The following SLC25A12 variants were observed in gnomAD, a reference collection of about 807,000 sequenced individuals.
SLC25A12 encodes electrogenic aspartate/glutamate antiporter SLC25A12, mitochondrial.
In SLC25A12, 32 loss-of-function variants were observed where a neutral mutation model predicts 83.3. The observed-to-expected ratio is 0.38, with a 90% CI of 0.29 to 0.52. The LOEUF is 0.52. SLC25A12 is among the 20% of genes least tolerant of loss of function. SLC25A12 has a pLI of 0.84. For missense variants in SLC25A12, 611 were observed against 835.6 expected (o/e 0.73, Z 3.31); for synonymous variants, 267 against 291.1 (o/e 0.92, Z 0.84).
At chr2:171,819,409 T>C (rs573188381) in intron 9 of SLC25A12, among the ~76,000 whole-genome samples, 2 of 39,752 alleles carry the variant, frequency 5.0e-5, no homozygotes, top group Admixed American at 5.3e-4. Context: ...ATTATATAAG[T>C]ATATAATTAT....
chr2:171,872,909 G>C (rs1289271183), intron 2 of SLC25A12, among the ~76,000 whole-genome samples: 1 of 151,940 alleles, frequency 6.6e-6, no homozygotes, highest in Non-Finnish European at 1.5e-5. Flanking sequence ...GAGAGAAATG[G>C]TAATAAAGAG....
intron 4 of SLC25A12, among the ~76,000 whole-genome samples, chr2:171,853,059 GT>G (rs1235328088): frequency 2.0e-5 from 3 of 152,168 alleles, no homozygotes; most frequent in Non-Finnish European, 4.4e-5. Context: ...GTATCACTAT[GT>G]TGTGCAAGCT....
intron 2 of SLC25A12, among the ~76,000 whole-genome samples, chr2:171,878,073 A>C (rs1353085733): frequency 6.6e-6 from 1 of 152,178 alleles, no homozygotes; most frequent in Admixed American, 6.5e-5. Flanking sequence ...CAAATCTTTC[A>C]GGTTATTTTG....
chr2:171,792,581 G>A (rs1388860798), intron 14 of SLC25A12, among the ~76,000 whole-genome samples: 2 of 151,018 alleles, frequency 1.3e-5, no homozygotes, highest in Non-Finnish European at 2.9e-5. Context: ...GTACAAGTGT[G>A]AGCCAGTGCT....
intron 2 of SLC25A12, among the ~76,000 whole-genome samples, chr2:171,892,231 A>AT (rs2105937002): frequency 1.2e-5 from 1 of 85,386 alleles, no homozygotes; most frequent in East Asian, 4.2e-4. Flanking sequence ...CTTTACATCT[A>AT]CTTTTTTTTT....
chr2:171,797,980 G>A (rs960801741), intron 13 of SLC25A12, among the ~76,000 whole-genome samples: 7 of 151,768 alleles, frequency 4.6e-5, no homozygotes, highest in African/African-American at 1.2e-4. Flanking sequence ...TAAATTTCCC[G>A]CCTATTTTTT....
chr2:171,870,508 C>T (rs1685435467), intron 2 of SLC25A12, among the ~76,000 whole-genome samples: 1 of 152,120 alleles, frequency 6.6e-6, no homozygotes, highest in African/African-American at 2.4e-5. Flanking sequence ...ATAGTCCTAA[C>T]TACTCAGGAG....
chr2:171,840,209 C>A (rs925704351), intron 5 of SLC25A12, among the ~76,000 whole-genome samples: 1 of 151,968 alleles, frequency 6.6e-6, no homozygotes, highest in Non-Finnish European at 1.5e-5. Context: ...CATGGCAAAA[C>A]CCCATCTCTA....
Position 171,878,629 on chromosome 2 carries a change from G to GTCAAAACAAAC in SLC25A12, c.67-9817_67-9807dup, listed in dbSNP as rs532018520. ...TAACCAACATGTGGCTGTAATATGA[G>GTCAAAACAAAC]TCAAAACAAACTGTTCCTCCATTAC... On this transcript the variant is annotated intron_variant, in intron 2 of 17. Transcript: ENST00000422440. 3.4e-3 allele frequency among the ~76,000 whole-genome samples: 511 copies of GTCAAAACAAAC among 152,204 alleles called. 7 individuals are homozygous for GTCAAAACAAAC. The highest frequency in any genetic ancestry group is 6.8e-3 in the Middle Eastern group (2 of 294).
At chr2:171,810,560 G>C (rs1377677429) in intron 11 of SLC25A12, among the ~76,000 whole-genome samples, 1 of 152,164 alleles carries the variant, frequency 6.6e-6, no homozygotes, top group Admixed American at 6.5e-5. Context: ...AAGAAGAAAC[G>C]GAGCCATGCG....
intron 2 of SLC25A12, among the ~76,000 whole-genome samples, chr2:171,888,641 C>T (rs1412880982): frequency 6.6e-6 from 1 of 151,802 alleles, no homozygotes; most frequent in Non-Finnish European, 1.5e-5. Context: ...CAGGGTTTCA[C>T]CATGTTGCCC....
chr2:171,889,363 T>C (rs777505512), intron 2 of SLC25A12, among the ~76,000 whole-genome samples: 9 of 152,334 alleles, frequency 5.9e-5, no homozygotes, highest in Middle Eastern at 6.8e-3. Flanking sequence ...CCAAATTCGA[T>C]AGATTCTTCC....
intron 3 of SLC25A12, among the ~76,000 whole-genome samples, chr2:171,867,980 G>T (rs948608469): frequency 6.6e-6 from 1 of 152,078 alleles, no homozygotes; most frequent in Non-Finnish European, 1.5e-5. Flanking sequence ...AAGTAGCTGG[G>T]ACTACAGGCG....
intron 4 of SLC25A12, among the ~76,000 whole-genome samples, chr2:171,853,426 A>ACGCCTGGGTGCAGTGGCTCAC (rs57379924): frequency 6.6e-6 from 1 of 151,876 alleles, no homozygotes; most frequent in Non-Finnish European, 1.5e-5. Context: ...CTGTAATCTC[A>ACGCCTGGGTGCAGTGGCTCAC]GCACTTTGGG....
Position 171,855,861 on chromosome 2 carries a change from T to G in SLC25A12, c.298A>C (p.Lys100Gln). The G allele has an allele frequency of 6.2e-7, 1 of 1,611,966 alleles. No individual in the cohort carries two copies. The highest frequency in any genetic ancestry group is 8.5e-7 in the Non-Finnish European group (1 of 1,178,052). Residue 100 changes from lysine (K) to glutamine (Q), a missense_variant, in exon 4 of 18, where the codon AAG (lysine) becomes CAG (glutamine). This residue lies in a region of SLC25A12 where 540 missense variants were observed against 777.5 expected (regional missense o/e 0.69). Transcript: ENST00000422440. ...MFIVAFQLFD[K>Q]SGNGEVTFEN... ...AATGTCACCTCTCCATTTCCACTCT[T>G]GTCAAACAACTGGAAAGCCACTATG...
chr2:171,803,147 A>G (rs1323972604), intron 13 of SLC25A12, among the ~76,000 whole-genome samples: 1 of 151,984 alleles, frequency 6.6e-6, no homozygotes, highest in South Asian at 2.1e-4. Context: ...TAAAAAACTT[A>G]GGCTTAAAAA....
At position 171,813,456 on chromosome 2, in the gene SLC25A12, T is replaced by C. The variant is rs1683987754; in HGVS notation, c.1054A>G (p.Thr352Ala). Residue 352 changes from threonine to alanine, a missense_variant, in exon 11 of 18, where the codon ACC becomes GCC. Physicochemically the swap from Thr to Ala is moderately conservative, Grantham distance 58. Transcript: ENST00000422440. ...GAGCCACGCTGGTTTTGCATTCGGG[T>C]CTTCACCAGATCTATAGGATACACT... ...TAVYPIDLVKTRMQNQRGSGS... is the reference protein window; with the variant it reads ...TAVYPIDLVKARMQNQRGSGS... 2 of 1,613,900 alleles carry C rather than the reference T, an allele frequency of 1.2e-6. No homozygotes were observed. Among genetic ancestry groups the C allele is most frequent in the Non-Finnish European group, 1.7e-6 (2 of 1,179,946 alleles).
chr2:171,885,779 T>C (rs1685805508), intron 2 of SLC25A12, among the ~76,000 whole-genome samples: 1 of 152,234 alleles, frequency 6.6e-6, no homozygotes, highest in African/African-American at 2.4e-5. Context: ...TTAATAAAAC[T>C]ATAGATCCTT....
At chr2:171,873,515 A>G (rs1191205053) in intron 2 of SLC25A12, among the ~76,000 whole-genome samples, 1 of 152,198 alleles carries the variant, frequency 6.6e-6, no homozygotes, top group East Asian at 1.9e-4. Flanking sequence ...GTGGGCATGA[A>G]AAAGAAGACA....
Sources: gnomAD v4.1 joint callset for allele counts (sites outside exome capture counted in the v4.1 genomes callset) on GRCh38, gnomAD v4.1.1 for gene constraint, gnomAD v4.1.1 regional missense constraint, MANE v1.5 for transcripts, NCBI Gene and HGNC (gene_info 2026-07-23, HGNC 2026-07-21) for gene names.